Variants in MANSC1 observed in about 807,000 individuals in gnomAD.
MANSC1 encodes the protein MANSC domain-containing protein 1.
In MANSC1, 13 loss-of-function variants were observed where a neutral mutation model predicts 14.1. That is an observed-to-expected ratio of 0.92 (90% CI 0.60 to 1.46). The LOEUF is 1.46. MANSC1 is among the 40% of genes most tolerant of loss of function. The pLI, the probability that MANSC1 is intolerant of heterozygous loss-of-function variation, is 0.00. For missense variants in MANSC1, 486 were observed against 511.4 expected (o/e 0.95, Z 0.48); for synonymous variants, 227 against 200.7 (o/e 1.13, Z -1.11).
rs35684053 is a variant in MANSC1, at chr12:12,328,984, TCACACACACACACACACACACA to T, written c.*1021_*1042del. The T allele has an allele frequency of 7.6e-6, 1 of 131,628 alleles. No homozygotes were observed. Among genetic ancestry groups the T allele is most frequent in the African/African-American group, 2.9e-5 (1 of 34,936 alleles). 8.2% of individuals were successfully genotyped at this position (131,628 alleles called of 1,614,324 possible). ...GCCTGGGTGACAGAGCAAGACTCTG[TCACACACACACACACACACACA>T]CACACACACACACACACACAAGTTA... On this transcript the variant is annotated 3_prime_UTR_variant, in exon 4 of 4. Transcript: ENST00000535902.
intron 1 of MANSC1, among the ~76,000 whole-genome samples, chr12:12,345,424 G>T (rs1862998518): frequency 6.6e-6 from 1 of 151,840 alleles, no homozygotes; most frequent in Admixed American, 6.6e-5. Context: ...ATCAGAGTTA[G>T]AAAACTCTAA....
chr12:12,349,029 T>C (rs1051669976), intron 1 of MANSC1, among the ~76,000 whole-genome samples: 1 of 152,210 alleles, frequency 6.6e-6, no homozygotes, highest in African/African-American at 2.4e-5. Flanking sequence ...TGAGTATAGA[T>C]AATATTTTGA....
intron 1 of MANSC1, among the ~76,000 whole-genome samples, chr12:12,348,722 A>AAG (rs1863039716): frequency 6.6e-6 from 1 of 151,694 alleles, no homozygotes; most frequent in Admixed American, 6.6e-5. Flanking sequence ...AAAACCAAAA[A>AAG]AAAAAAAAAA....
chr12:12,342,870 T>C (rs1368174954), intron 2 of MANSC1, among the ~76,000 whole-genome samples: 1 of 152,194 alleles, frequency 6.6e-6, no homozygotes, highest in Non-Finnish European at 1.5e-5. Context: ...TCTCAACCTC[T>C]TGTCTACCCA....
At chr12:12,332,560 G>A (rs1378321974) in intron 3 of MANSC1, among the ~76,000 whole-genome samples, 2 of 152,076 alleles carry the variant, frequency 1.3e-5, no homozygotes, top group Admixed American at 6.5e-5. Flanking sequence ...TCACTCTGTC[G>A]CCCAGGCTGG....
At chr12:12,334,366 C>T (rs1055599945) in intron 3 of MANSC1, among the ~76,000 whole-genome samples, 16 of 152,004 alleles carry the variant, frequency 1.1e-4, no homozygotes, top group Non-Finnish European at 8.8e-5. Context: ...AACAGATAAT[C>T]TGTATTTAAT....
At position 12,330,782 on chromosome 12, in the gene MANSC1, G is replaced by T; in HGVS notation, c.541C>A (p.His181Asn). 6.2e-7 allele frequency: 1 copy of T among 1,614,182 alleles called. No individual in the cohort carries two copies. Among genetic ancestry groups the T allele is most frequent in the Non-Finnish European group, 8.5e-7 (1 of 1,180,030 alleles). The part of the protein sequence containing the change: ...TLSQKFGSSD[H>N]LEKLFKMDEA... ...TCCATCTTAAATAGTTTCTCCAAGT[G>T]ATCTGAGGATCCAAACTTCTGAGAA... is the stretch of plus-strand genomic sequence containing the variant. Residue 181 changes from histidine to asparagine, a missense_variant, in exon 4 of 4, where the codon CAC (histidine) becomes AAC (asparagine). Physicochemically the swap from His to Asn is moderately conservative, Grantham distance 68. Transcript: ENST00000535902.
intron 2 of MANSC1, chr12:12,338,888 C>A (rs12367756): frequency 1.4e-5 from 4 of 290,334 alleles, no homozygotes; most frequent in South Asian, 3.2e-5. Flanking sequence ...CACACACACA[C>A]AAACACACAC....
intron 1 of MANSC1, among the ~76,000 whole-genome samples, chr12:12,345,390 C>T (rs1179547112): frequency 1.3e-5 from 2 of 151,588 alleles, no homozygotes; most frequent in South Asian, 2.1e-4. Flanking sequence ...TTTCCTATTG[C>T]TGCTTCTCCT....
rs1471579387 is a variant in MANSC1, at chr12:12,329,398, G to A, written c.*629C>T. 6.6e-6 allele frequency: 1 copy of A among 152,178 alleles called. No homozygotes were observed. The highest frequency in any genetic ancestry group is 6.5e-5 in the Admixed American group (1 of 15,284). The allele number at this position is 152,178 out of a possible 1,614,324, so 9.4% of individuals were successfully genotyped here. On this transcript the variant is annotated 3_prime_UTR_variant, in exon 4 of 4. Transcript: ENST00000535902. ...AACAGTTGATTTTATCTGGAACCAAGAATGTGAATGAATTGGAACCTAGAT... is the reference window on the plus strand; with the variant it reads ...AACAGTTGATTTTATCTGGAACCAAAAATGTGAATGAATTGGAACCTAGAT...
intron 1 of MANSC1, among the ~76,000 whole-genome samples, chr12:12,345,313 T>C (rs1457456720): frequency 4.3e-4 from 52 of 120,126 alleles, no homozygotes; most frequent in African/African-American, 1.6e-3. Flanking sequence ...AGAGCAAAAC[T>C]CCGTCTCAAA....
intron 2 of MANSC1, chr12:12,338,821 A>T: frequency 1.9e-6 from 1 of 516,852 alleles, no homozygotes; most frequent in Admixed American, 3.0e-5. Flanking sequence ...TCCTAAAGTC[A>T]AAGCCAAAGC....
At chr12:12,333,510 C>T (rs61922027) in intron 3 of MANSC1, among the ~76,000 whole-genome samples, 14,938 of 152,180 alleles carry the variant, frequency 0.098, 756 homozygotes, top group Non-Finnish European at 0.11. Flanking sequence ...TAGGGCCAGT[C>T]CCACTTCTTG....
intron 1 of MANSC1, among the ~76,000 whole-genome samples, chr12:12,344,752 C>A (rs1380926534): frequency 3.3e-5 from 5 of 149,572 alleles, no homozygotes; most frequent in African/African-American, 1.2e-4. Flanking sequence ...CAGGTGTGAG[C>A]CACCACGCCC....
In MANSC1 at chr12:12,330,648, C is replaced by A. The variant is rs146478631; in HGVS notation, c.675G>T (p.Ala225=). Residue 225 remains alanine, a synonymous_variant, in exon 4 of 4, where the codon GCG becomes GCT. Coordinates refer to ENST00000535902, the MANE Select transcript of MANSC1 (RefSeq NM_018050.4). ...AAGCAACTGCCACCGTAGCTGGGAG[C>A]GCACTCACATTTTCAGGCAGCAGAT... is the stretch of plus-strand genomic sequence containing the variant. ...IAHLLPENVS[A]LPATVAVASP... The A allele has an allele frequency of 6.2e-7, 1 of 1,614,130 alleles. No individual in the cohort carries two copies. Among genetic ancestry groups the A allele is most frequent in the Non-Finnish European group, 8.5e-7 (1 of 1,180,012 alleles).
rs574217464 is a variant in MANSC1 at position 12,326,419 on chromosome 12, C to T, written c.*3608G>A. 1 of 152,314 alleles carries T rather than the reference C, an allele frequency of 6.6e-6. No individual in the cohort carries two copies. Among genetic ancestry groups the T allele is most frequent in the Non-Finnish European group, 1.5e-5 (1 of 68,066 alleles). 9.4% of individuals were successfully genotyped at this position (152,314 alleles called of 1,614,324 possible). A position where few individuals can be genotyped will look rare whatever the true frequency, so the allele number is the denominator to read the frequency against. ...GGCCCATCCCTGAACCTGGCACTTC[C>T]AACCTGTAACAAATGAGGCAGAAGT... On this transcript the variant is annotated 3_prime_UTR_variant, in exon 4 of 4. Transcript: ENST00000535902.
intron 1 of MANSC1, among the ~76,000 whole-genome samples, chr12:12,346,502 GA>G (rs1366052210): frequency 1.3e-5 from 2 of 152,240 alleles, no homozygotes; most frequent in African/African-American, 2.4e-5. Context: ...TATGGTATTA[GA>G]AAAAGAATAG....
chr12:12,342,322 G>A (rs1862944777), intron 2 of MANSC1, among the ~76,000 whole-genome samples: 1 of 152,218 alleles, frequency 6.6e-6, no homozygotes, highest in African/African-American at 2.4e-5. Context: ...AACTAACAAA[G>A]TGTTAAGTAC....
At chr12:12,341,425 A>G (rs1032768172) in intron 2 of MANSC1, among the ~76,000 whole-genome samples, 5 of 152,058 alleles carry the variant, frequency 3.3e-5, no homozygotes, top group Non-Finnish European at 7.4e-5. Flanking sequence ...TGATGGTCTC[A>G]TTTTACACAA....
Sources: allele counts gnomAD v4.1 joint callset (sites outside exome capture counted in the v4.1 genomes callset), GRCh38; gene constraint gnomAD v4.1.1; transcripts MANE v1.5; gene names NCBI Gene and HGNC (gene_info 2026-07-23, HGNC 2026-07-21).